The following PDZD2 variants were observed in gnomAD, a reference collection of about 807,000 sequenced individuals.
PDZD2 encodes PDZ domain containing 2.
Under a neutral mutation model 220.7 loss-of-function variants are expected in PDZD2, and 90 were observed. The observed-to-expected ratio is 0.41, with a 90% CI of 0.34 to 0.49. The LOEUF (loss-of-function observed/expected upper bound fraction) is 0.49. PDZD2 is among the 20% of genes least tolerant of loss of function. The pLI is 0.28. For synonymous variants in PDZD2, 1,375 were observed against 1,450.5 expected (o/e 0.95, Z 1.18); for missense variants, 3,174 against 3,608.5 (o/e 0.88, Z 3.08).
rs1742549687 is a variant in PDZD2, at chr5:32,087,156, C to G, written c.3708C>G (p.Ile1236Met). Reference sequence around the variant, plus strand: ...AACTGGACAGCTCCTCAGACCTCATCTCTTCCCCAGGGAAGAAGGGGGCCG... The same window carrying G: ...AACTGGACAGCTCCTCAGACCTCATGTCTTCCCCAGGGAAGAAGGGGGCCG... ...MTELDSSSDL[I>M]SSPGKKGAAH... Residue 1236 changes from isoleucine to methionine, a missense_variant, in exon 20 of 25, where the codon ATC (isoleucine) becomes ATG (methionine). Coordinates refer to ENST00000438447, the MANE Select transcript of PDZD2 (RefSeq NM_178140.4). The surrounding 1 kb of genome is among the most constrained non-coding windows in gnomAD (Gnocchi z 4.0). 2 of 1,610,662 alleles carry G rather than the reference C, an allele frequency of 1.2e-6. No individual in the cohort carries two copies. The highest frequency in any genetic ancestry group is 1.3e-5 in the African/African-American group (1 of 74,940).
chr5:31,688,037 T>C (rs1241720442), intron 1 of PDZD2, among the ~76,000 whole-genome samples: 1 of 152,030 alleles, frequency 6.6e-6, no homozygotes, highest in Non-Finnish European at 1.5e-5. Flanking sequence ...AGAACTCAGC[T>C]TTTTTTGAAT....
intron 1 of PDZD2, chr5:31,657,497 GA>G (rs1745596939): frequency 6.6e-6 from 1 of 152,178 alleles, no homozygotes; most frequent in African/African-American, 2.4e-5. Context: ...CCAGATCTGG[GA>G]AACACAGTGA....
Position 31,851,104 on chromosome 5 carries a change from T to C in PDZD2, c.476+51380T>C, listed in dbSNP as rs151033856. Among the ~76,000 whole-genome samples the C allele has an allele frequency of 3.4e-3, 524 of 152,312 alleles. 1 individual carries two copies. The highest frequency in any genetic ancestry group is 0.014 in the Middle Eastern group (4 of 294). ...CTCTAGACTAAACAACTCCAAATCC[T>C]TTAACTTCCCCTCATAAGTTCTATT... On this transcript the variant is annotated intron_variant, in intron 2 of 24. Coordinates refer to ENST00000438447, the MANE Select transcript of PDZD2 (RefSeq NM_178140.4).
chr5:32,053,364 A>T (rs906496198), intron 9 of PDZD2, among the ~76,000 whole-genome samples: 2 of 152,272 alleles, frequency 1.3e-5, no homozygotes, highest in South Asian at 2.1e-4. Flanking sequence ...TTTTGATATT[A>T]TACAAAATGG....
intron 2 of PDZD2, among the ~76,000 whole-genome samples, chr5:31,905,343 CA>C (rs1047834847): frequency 1.3e-5 from 2 of 152,204 alleles, no homozygotes; most frequent in African/African-American, 4.8e-5. Context: ...CAATGCATAG[CA>C]AACCTTTCTA....
intron 2 of PDZD2, among the ~76,000 whole-genome samples, chr5:31,907,424 C>G (rs1417857740): frequency 1.3e-5 from 2 of 152,200 alleles, no homozygotes; most frequent in African/African-American, 4.8e-5. Context: ...TCCCGAAGCC[C>G]TTATCACATT....
chr5:31,846,981 T>G (rs1053002999), intron 2 of PDZD2, among the ~76,000 whole-genome samples: 3 of 152,242 alleles, frequency 2.0e-5, no homozygotes, highest in African/African-American at 7.2e-5. Flanking sequence ...TTTGTTTGTG[T>G]CTGGTTCACT....
rs746683258 is a variant in PDZD2, at chr5:32,014,939, C to CTTTTTTTTTTTTTTTT, written c.1407+4462_1407+4477dup. On this transcript the variant is annotated intron_variant, in intron 6 of 24. Transcript: ENST00000438447. ...TGGCCAGGATAGTCTCAATCTCTCT[C>CTTTTTTTTTTTTTTTT]TTTTTTTTTTTTTTTTTTTTGAGAC... Among the ~76,000 whole-genome samples the CTTTTTTTTTTTTTTTT allele has an allele frequency of 2.1e-5, 2 of 94,020 alleles. 1 individual carries two copies. Among genetic ancestry groups the CTTTTTTTTTTTTTTTT allele is most frequent in the Non-Finnish European group, 4.1e-5 (2 of 48,408 alleles). The allele number at this position is 94,020 out of a possible 152,430, so 61.7% of individuals were successfully genotyped here. A position where few individuals can be genotyped will look rare whatever the true frequency, so the allele number is the denominator to read the frequency against.
intron 2 of PDZD2, among the ~76,000 whole-genome samples, chr5:31,806,677 G>A (rs1008581640): frequency 3.3e-5 from 5 of 152,128 alleles, no homozygotes; most frequent in Non-Finnish European, 7.3e-5. Flanking sequence ...TACTTGTTTG[G>A]TGCAGGGAGA....
chr5:32,004,742 T>A (rs73072231), intron 5 of PDZD2, among the ~76,000 whole-genome samples: 2,760 of 152,310 alleles, frequency 0.018, 88 homozygotes, highest in African/African-American at 0.063. Flanking sequence ...GCAAATAAAA[T>A]ATAAAGAACA....
intron 2 of PDZD2, among the ~76,000 whole-genome samples, chr5:31,904,538 A>T (rs1397705686): frequency 6.6e-6 from 1 of 152,052 alleles, no homozygotes; most frequent in Non-Finnish European, 1.5e-5. Context: ...TTATTTATTT[A>T]TTTTTTTGAG....
chr5:31,678,570 A>T (rs1489145579), intron 1 of PDZD2, among the ~76,000 whole-genome samples: 1 of 152,116 alleles, frequency 6.6e-6, no homozygotes, highest in South Asian at 2.1e-4. Flanking sequence ...AGGGTGATTC[A>T]TCACAGCACC....
chr5:31,870,551 CAGGTTTCTTTGTAAACAAGTCTT>C (rs1738694686), intron 2 of PDZD2, among the ~76,000 whole-genome samples: 1 of 152,094 alleles, frequency 6.6e-6, no homozygotes, highest in African/African-American at 2.4e-5. Context: ...TAGCAAGTGT[CAGGTTTCTTTGTAAACAAGTCTT>C]TTTTAAAGAT....
chr5:31,649,544 G>A (rs751695792), intron 1 of PDZD2, among the ~76,000 whole-genome samples: 10 of 151,872 alleles, frequency 6.6e-5, no homozygotes, highest in Non-Finnish European at 1.2e-4. Context: ...TGGATCATAC[G>A]CTCCATTAAA....
chr5:31,869,937 C>T (rs1406908325), intron 2 of PDZD2, among the ~76,000 whole-genome samples: 1 of 152,106 alleles, frequency 6.6e-6, no homozygotes, highest in African/African-American at 2.4e-5. Context: ...AGGAGCCTCT[C>T]CGGCGATACT....
chr5:31,949,668 CTTT>C (rs5867121), intron 2 of PDZD2, among the ~76,000 whole-genome samples: 24 of 127,860 alleles, frequency 1.9e-4, no homozygotes, highest in Admixed American at 5.8e-4. Context: ...CCATTTTTAG[CTTT>C]TTTTTTTTTT....
intron 1 of PDZD2, among the ~76,000 whole-genome samples, chr5:31,693,344 C>A (rs1290861048): frequency 6.8e-6 from 1 of 146,944 alleles, no homozygotes; most frequent in Non-Finnish European, 1.5e-5. Context: ...CGGATTTAAG[C>A]GATTCTTCGG....
At chr5:31,936,253 G>A (rs1181326482) in intron 2 of PDZD2, 16 of 987,540 alleles carry the variant, frequency 1.6e-5, no homozygotes, top group Non-Finnish European at 1.8e-5. Flanking sequence ...GAATGGAGAA[G>A]GGAAGTGAAG....
chr5:32,068,417 A>G (rs1438808876), intron 14 of PDZD2, among the ~76,000 whole-genome samples: 1 of 152,246 alleles, frequency 6.6e-6, no homozygotes, highest in Non-Finnish European at 1.5e-5. Context: ...TTGCACCAAA[A>G]TGTAAACATT....
Sources: allele counts gnomAD v4.1 joint callset (sites outside exome capture counted in the v4.1 genomes callset), GRCh38; gene constraint gnomAD v4.1.1; non-coding constraint Gnocchi (gnomAD v3.1); transcripts MANE v1.5; gene names NCBI Gene and HGNC (gene_info 2026-07-23, HGNC 2026-07-21).